The following XKR6 variants were observed in gnomAD, a reference collection of about 807,000 sequenced individuals.
XKR6 encodes the protein XK related 6, also known as XK-related protein 6.
XKR6 carries 22 observed loss-of-function variants against 56.7 expected under a neutral mutation model. The observed-to-expected ratio is 0.39, with a 90% CI of 0.28 to 0.55. XKR6 has a LOEUF of 0.55. Ranked by LOEUF, XKR6 falls within the 20% of genes least tolerant of loss-of-function variation. The pLI is 0.66. For synonymous variants in XKR6, 524 were observed against 387.8 expected (o/e 1.35, Z -4.13); for missense variants, 852 against 889.0 (o/e 0.96, Z 0.53).
chr8:11,016,361 TG>T (rs1056066566), intron 1 of XKR6, among the ~76,000 whole-genome samples: 7 of 152,154 alleles, frequency 4.6e-5, no homozygotes, highest in African/African-American at 1.7e-4. Flanking sequence ...CTGAGGACCC[TG>T]GGGGAGTGTG....
intron 1 of XKR6, among the ~76,000 whole-genome samples, chr8:11,191,826 G>A (rs1180006827): frequency 2.0e-5 from 3 of 152,014 alleles, no homozygotes; most frequent in Non-Finnish European, 4.4e-5. Context: ...GGACAACTAG[G>A]CAAATCTGAG....
At chr8:11,073,306 G>A (rs544999391) in intron 1 of XKR6, among the ~76,000 whole-genome samples, 1 of 152,152 alleles carries the variant, frequency 6.6e-6, no homozygotes, top group Non-Finnish European at 1.5e-5. Context: ...GCAAACACTG[G>A]CAGAGGGTCA....
chr8:11,175,459 G>C (rs575597623), intron 1 of XKR6: 2 of 161,064 alleles, frequency 1.2e-5, no homozygotes, highest in Non-Finnish European at 2.8e-5. Flanking sequence ...GCCACATCGA[G>C]ATGATTCTTA....
intron 1 of XKR6, among the ~76,000 whole-genome samples, chr8:10,938,791 T>C (rs920301389): frequency 6.6e-6 from 1 of 152,200 alleles, no homozygotes; most frequent in Non-Finnish European, 1.5e-5. Flanking sequence ...AATCCGCGTA[T>C]GCACTGAAAC....
chr8:11,062,574 T>C (rs1799863269), intron 1 of XKR6: 5 of 363,274 alleles, frequency 1.4e-5, no homozygotes, highest in South Asian at 8.4e-5. Context: ...GATTGGCTGA[T>C]TAAATGCACT....
chr8:10,990,148 ACAGT>A (rs1420597044), intron 1 of XKR6, among the ~76,000 whole-genome samples: 76 of 152,354 alleles, frequency 5.0e-4, no homozygotes, highest in African/African-American at 1.7e-3. Flanking sequence ...AACTTTTGTG[ACAGT>A]CAGGTATTTG....
chr8:11,141,888 G>A (rs1027373949), intron 1 of XKR6, among the ~76,000 whole-genome samples: 2 of 152,072 alleles, frequency 1.3e-5, no homozygotes, highest in Admixed American at 1.3e-4. Flanking sequence ...CTGGGGAGGG[G>A]TCTAGGGTGC....
intron 1 of XKR6, among the ~76,000 whole-genome samples, chr8:11,016,033 C>T (rs965588661): frequency 4.6e-5 from 7 of 152,150 alleles, no homozygotes; most frequent in Non-Finnish European, 7.4e-5. Context: ...TAACGCCCCG[C>T]ACCGTCGGCG....
intron 1 of XKR6, among the ~76,000 whole-genome samples, chr8:11,057,096 TGATGCCCCGACCCAATC>T (rs1483152680): frequency 6.6e-6 from 1 of 152,250 alleles, no homozygotes; most frequent in Non-Finnish European, 1.5e-5. Flanking sequence ...AAGCCGTTCT[TGATGCCCCGACCCAATC>T]GAAGCACAAA....
At chr8:11,103,415 T>G (rs1264238586) in intron 1 of XKR6, among the ~76,000 whole-genome samples, 1 of 152,222 alleles carries the variant, frequency 6.6e-6, no homozygotes, top group Non-Finnish European at 1.5e-5. Context: ...GGAGACAGTC[T>G]GAGCTGTCCC....
At position 11,171,277 on chromosome 8, in the gene XKR6, C is replaced by T. The variant is rs193289744; in HGVS notation, c.764+29299G>A. ...CATTAAGTGCACACCCACGCATGTG[C>T]GACTGCACACACACACACAGAGTTC... On this transcript the variant is annotated intron_variant, in intron 1 of 2. Transcript: ENST00000416569. Among the ~76,000 whole-genome samples, 55 of 151,680 alleles carry T rather than the reference C, an allele frequency of 3.6e-4. No individual in the cohort carries two copies. In the East Asian group the frequency reaches 4.8e-3, roughly 13 times the overall value.
intron 1 of XKR6, among the ~76,000 whole-genome samples, chr8:11,131,830 C>T (rs575549019): frequency 6.6e-6 from 1 of 152,324 alleles, no homozygotes; most frequent in East Asian, 1.9e-4. Context: ...ACGTGCTATA[C>T]AGGCTTGAAG....
At position 10,908,378 on chromosome 8, in the gene XKR6, C is replaced by CATATAT. The variant is rs59605171; in HGVS notation, c.962-9468_962-9463dup. On this transcript the variant is annotated intron_variant, in intron 2 of 2. Transcript: ENST00000416569. ...GCCGGCAGGGCTGCCCTGCCATAAA[C>CATATAT]ATATATATATATATATGGAGTCACC... is the stretch of plus-strand genomic sequence containing the variant. Among the ~76,000 whole-genome samples the CATATAT allele has an allele frequency of 6.1e-3, 905 of 149,476 alleles. 5 individuals carry two copies. The highest frequency in any genetic ancestry group is 0.034 in the Middle Eastern group (10 of 290).
chr8:11,077,651 G>A (rs1237346133), intron 1 of XKR6, among the ~76,000 whole-genome samples: 2 of 152,300 alleles, frequency 1.3e-5, no homozygotes, highest in Admixed American at 6.5e-5. Flanking sequence ...GAACAGCTGA[G>A]GAAGGAGCCT....
Position 11,201,733 on chromosome 8 carries a change from G to T in XKR6, c.-394C>A, listed in dbSNP as rs775810067. The stretch of plus-strand genomic sequence containing the variant: ...AGAATCCGGCTGGCCCGAGTGAGGC[G>T]GTCCAAAGTGATCCCTGGAGGGGGC... On this transcript the variant is annotated 5_prime_UTR_variant, in exon 1 of 3. Coordinates refer to ENST00000416569, the MANE Select transcript of XKR6 (RefSeq NM_173683.4). Among the ~76,000 whole-genome samples the T allele has an allele frequency of 6.6e-6, 1 of 152,190 alleles. No individual in the cohort carries two copies. The highest frequency in any genetic ancestry group is 1.5e-5 in the Non-Finnish European group (1 of 68,032).
chr8:10,952,777 C>A (rs1440502357), intron 1 of XKR6, among the ~76,000 whole-genome samples: 1 of 152,164 alleles, frequency 6.6e-6, no homozygotes, highest in Non-Finnish European at 1.5e-5. Context: ...TGAGCCTCCT[C>A]TTAGCACAGG....
intron 1 of XKR6, among the ~76,000 whole-genome samples, chr8:11,182,345 G>A (rs1322928105): frequency 6.6e-6 from 1 of 152,194 alleles, no homozygotes; most frequent in African/African-American, 2.4e-5. Flanking sequence ...ATGAGACTGG[G>A]GTTGTCTTTT....
intron 1 of XKR6, among the ~76,000 whole-genome samples, chr8:10,926,593 G>A (rs919189184): frequency 2.0e-5 from 3 of 152,260 alleles, no homozygotes; most frequent in Non-Finnish European, 4.4e-5. Flanking sequence ...TGGGAGGAAG[G>A]TTGGGGCACC....
rs1249669765 is a variant in XKR6, at chr8:11,117,962, G to C, written c.764+82614C>G. ...CTAACAGAGTGACAGGGAATACCGA[G>C]AGTGTGGGGGACCAGGCATCCAAAC... On this transcript the variant is annotated intron_variant, in intron 1 of 2. Coordinates refer to ENST00000416569, the MANE Select transcript of XKR6 (RefSeq NM_173683.4). Among the ~76,000 whole-genome samples the C allele has an allele frequency of 2.0e-5, 3 of 152,112 alleles. No homozygotes were observed. In the East Asian group the frequency reaches 5.8e-4, roughly 29 times the overall value.
Sources: allele counts gnomAD v4.1 joint callset (sites outside exome capture counted in the v4.1 genomes callset), GRCh38; gene constraint gnomAD v4.1.1; transcripts MANE v1.5; gene names NCBI Gene and HGNC (gene_info 2026-07-23, HGNC 2026-07-21).